The following SLC4A4 variants were observed in gnomAD, a reference collection of about 807,000 sequenced individuals.
SLC4A4 encodes electrogenic sodium bicarbonate cotransporter 1.
A neutral mutation model predicts 111.5 loss-of-function variants in SLC4A4; 27 were observed. That is an observed-to-expected ratio of 0.24 (90% confidence interval 0.18 to 0.33). SLC4A4 has a LOEUF of 0.33. SLC4A4 is among the 10% of genes least tolerant of loss of function. SLC4A4 has a pLI of 1.00. For synonymous variants in SLC4A4, 443 were observed against 463.4 expected (o/e 0.96, Z 0.57); for missense variants, 909 against 1,315.5 (o/e 0.69, Z 4.78).
chr4:71,115,228 C>T (rs1361271697), intron 2 of SLC4A4, among the ~76,000 whole-genome samples: 1 of 149,456 alleles, frequency 6.7e-6, no homozygotes, highest in Non-Finnish European at 1.5e-5. Context: ...GGAGATATAC[C>T]TAATGCTAGA....
intron 2 of SLC4A4, among the ~76,000 whole-genome samples, chr4:71,162,868 G>T (rs115319097): frequency 6.6e-6 from 1 of 152,036 alleles, no homozygotes; most frequent in African/African-American, 2.4e-5. Context: ...TTTCTTTTTC[G>T]CCTGCTCTAT....
At chr4:71,354,250 C>A (rs1164328498) in intron 5 of SLC4A4, among the ~76,000 whole-genome samples, 1 of 152,124 alleles carries the variant, frequency 6.6e-6, no homozygotes, top group Admixed American at 6.5e-5. Flanking sequence ...GAAAATGTAG[C>A]TCTATTTTTG....
At chr4:71,525,503 G>T (rs1560587323) in intron 16 of SLC4A4, among the ~76,000 whole-genome samples, 2 of 151,960 alleles carry the variant, frequency 1.3e-5, no homozygotes, top group South Asian at 2.1e-4. Flanking sequence ...TTTTTTCATG[G>T]CAAGCTCTTG....
intron 3 of SLC4A4, among the ~76,000 whole-genome samples, chr4:71,263,270 T>A (rs1038357282): frequency 6.6e-6 from 1 of 152,228 alleles, no homozygotes; most frequent in Admixed American, 6.5e-5. Context: ...TTCATTTTTA[T>A]GAACTCATAA....
intron 20 of SLC4A4, among the ~76,000 whole-genome samples, chr4:71,552,831 A>G (rs1736140559): frequency 6.7e-6 from 1 of 149,846 alleles, no homozygotes. Flanking sequence ...CTTGCTTTGT[A>G]AAAATATCTA....
rs1252692668 is a variant in SLC4A4 at position 71,077,184 on chromosome 4, G to A, written c.-65+14396G>A. On this transcript the variant is annotated intron_variant, in intron 1 of 26. Coordinates refer to the SLC4A4 transcript ENST00000649996. ...ATGTACTTTTTTTTTTTTTTGAGAC[G>A]GAGTCTCGCTCTGTCACCCAGGCTG... Among the ~76,000 whole-genome samples, 12 of 148,058 alleles carry A rather than the reference G, an allele frequency of 8.1e-5. No homozygotes were observed. The South Asian group carries it at 8.5e-4, about 10-fold the overall frequency.
At chr4:71,126,890 A>G (rs1049295714) in intron 2 of SLC4A4, among the ~76,000 whole-genome samples, 2 of 152,204 alleles carry the variant, frequency 1.3e-5, no homozygotes, top group African/African-American at 4.8e-5. Flanking sequence ...ATATGAGATG[A>G]CCTTTGGTTC....
chr4:71,478,529 G>A lies in SLC4A4; in HGVS notation c.1903+5559G>A, dbSNP rs1050191439. On this transcript the variant is annotated intron_variant, in intron 14 of 25. Coordinates refer to ENST00000264485, the MANE Select transcript of SLC4A4 (RefSeq NM_001098484.3). ...AGGAACAGAAAACCAAATACCACACGTTCTCTCTCATAAGTGGGAATTTAA... is the reference window on the plus strand; with the variant it reads ...AGGAACAGAAAACCAAATACCACACATTCTCTCTCATAAGTGGGAATTTAA... Among the ~76,000 whole-genome samples, 3 of 151,068 alleles carry A rather than the reference G, an allele frequency of 2.0e-5. No homozygotes were observed. The South Asian group carries it at 6.3e-4, about 32-fold the overall frequency.
chr4:71,154,025 C>A (rs1229033512), intron 2 of SLC4A4, among the ~76,000 whole-genome samples: 1 of 152,136 alleles, frequency 6.6e-6, no homozygotes, highest in Non-Finnish European at 1.5e-5. Context: ...TACCATAATT[C>A]AAGACATATG....
At chr4:71,067,257 A>T (rs1195941160) in intron 1 of SLC4A4, among the ~76,000 whole-genome samples, 1 of 152,186 alleles carries the variant, frequency 6.6e-6, no homozygotes. Flanking sequence ...CAAAAAGGAA[A>T]GAGTTTTTTT....
intron 14 of SLC4A4, among the ~76,000 whole-genome samples, chr4:71,483,339 A>G (rs1729064506): frequency 6.6e-6 from 1 of 151,726 alleles, no homozygotes; most frequent in African/African-American, 2.4e-5. Context: ...TCCACCCTCT[A>G]ATAGGCCCCA....
chr4:71,321,803 G>C (rs1056839354), intron 3 of SLC4A4, among the ~76,000 whole-genome samples: 1 of 151,912 alleles, frequency 6.6e-6, no homozygotes, highest in African/African-American at 2.4e-5. Flanking sequence ...ATCCTACCAC[G>C]ATGGCAATTA....
intron 6 of SLC4A4, among the ~76,000 whole-genome samples, chr4:71,393,701 A>G (rs942309125): frequency 6.6e-6 from 1 of 152,168 alleles, no homozygotes; most frequent in Admixed American, 6.5e-5. Context: ...AAGCCTGCAT[A>G]GCCAAAGCAA....
chr4:71,480,602 ATC>A (rs1728785999), intron 14 of SLC4A4, among the ~76,000 whole-genome samples: 1 of 151,762 alleles, frequency 6.6e-6, no homozygotes, highest in African/African-American at 2.4e-5. Flanking sequence ...CCTTAAATAA[ATC>A]TGACATGACC....
At chr4:71,312,063 GAC>G (rs1366856892) in intron 3 of SLC4A4, among the ~76,000 whole-genome samples, 5 of 152,020 alleles carry the variant, frequency 3.3e-5, no homozygotes, top group African/African-American at 1.2e-4. Flanking sequence ...GAATCAAATA[GAC>G]ACAATAAAAA....
chr4:71,119,643 A>G (rs1270640285), intron 2 of SLC4A4, among the ~76,000 whole-genome samples: 1 of 152,160 alleles, frequency 6.6e-6, no homozygotes, highest in Non-Finnish European at 1.5e-5. Flanking sequence ...GAATTTTTAA[A>G]AATTTATTCT....
chr4:71,147,820 A>T (rs1047350287), intron 2 of SLC4A4, among the ~76,000 whole-genome samples: 5 of 151,986 alleles, frequency 3.3e-5, no homozygotes, highest in African/African-American at 1.2e-4. Flanking sequence ...TATAAGGCTG[A>T]ATTTGTTTTG....
intron 2 of SLC4A4, among the ~76,000 whole-genome samples, chr4:71,104,872 A>C (rs1370189851): frequency 9.4e-5 from 4 of 42,622 alleles, no homozygotes; most frequent in African/African-American, 3.4e-4. Context: ...CAAGACAGGG[A>C]TGCCCTCTCT....
At chr4:71,515,463 T>C (rs1732300468) in intron 16 of SLC4A4, among the ~76,000 whole-genome samples, 1 of 152,206 alleles carries the variant, frequency 6.6e-6, no homozygotes, top group African/African-American at 2.4e-5. Flanking sequence ...TTAGGTAGAA[T>C]GTTCTGTAAA....
Sources: allele counts gnomAD v4.1 joint callset (sites outside exome capture counted in the v4.1 genomes callset), GRCh38; gene constraint gnomAD v4.1.1; transcripts MANE v1.5; gene names NCBI Gene and HGNC (gene_info 2026-07-23, HGNC 2026-07-21).